The following LRRK2 variants were observed in gnomAD, a reference collection of about 807,000 sequenced individuals.
LRRK2 encodes the protein leucine-rich repeat serine/threonine-protein kinase 2.
LRRK2 carries 203 observed loss-of-function variants against 302.6 expected under a neutral mutation model. The ratio of observed to expected loss-of-function variants is 0.67; its 90% confidence interval spans 0.60 to 0.75. The LOEUF is 0.75. Among genes scored for constraint, LRRK2 ranks in the 30% least tolerant of loss-of-function variants. The pLI is 0.00. For synonymous variants in LRRK2, 1,066 were observed against 1,031.9 expected, an observed-to-expected ratio of 1.03 and a Z score of -0.63; for missense variants, 2,830 against 2,951.0, an observed-to-expected ratio of 0.96 and a Z score of 0.95.
chr12:40,305,777 C>G lies in LRRK2; in HGVS notation c.3778-8C>G, dbSNP rs1433994909. ...CCAACAGGTTTTGCCCTTTTTTTTC[C>G]CATTAAGATTCCTCCTGAGATTGGC... On this transcript the variant is annotated splice_polypyrimidine_tract_variant and splice_region_variant and intron_variant, in intron 27 of 50. Transcript: ENST00000298910. 1.2e-6 allele frequency: 2 copies of G among 1,612,800 alleles called. No homozygotes were observed. Among genetic ancestry groups the G allele is most frequent in the Non-Finnish European group, 1.7e-6 (2 of 1,179,432 alleles).
chr12:40,253,349 T>A (rs1008183041), intron 11 of LRRK2, among the ~76,000 whole-genome samples: 6 of 152,206 alleles, frequency 3.9e-5, no homozygotes, highest in African/African-American at 1.4e-4. Context: ...TGTTGATACA[T>A]GTGTATTCTC....
intron 7 of LRRK2, among the ~76,000 whole-genome samples, chr12:40,246,204 TA>T (rs1476520994): frequency 6.6e-6 from 1 of 151,846 alleles, no homozygotes; most frequent in Non-Finnish European, 1.5e-5. Flanking sequence ...AATGTGGGCT[TA>T]AAAATATTAA....
At chr12:40,334,892 A>T (rs1369699043) in intron 39 of LRRK2, 75 bp from the exon 40 acceptor site, 1 of 1,483,606 alleles carries the variant, frequency 6.7e-7, no homozygotes, top group East Asian at 2.3e-5. Context: ...CAGCCTGTTG[A>T]TGCACTTTAA....
At chr12:40,288,593 C>T (rs1004218854) in intron 20 of LRRK2, among the ~76,000 whole-genome samples, 1 of 151,902 alleles carries the variant, frequency 6.6e-6, no homozygotes, top group African/African-American at 2.4e-5. Context: ...GGTTGCTCTA[C>T]ATCCTTGTCA....
intron 34 of LRRK2, 24 bp from the exon 35 acceptor site, chr12:40,321,010 A>G: frequency 6.2e-7 from 1 of 1,611,948 alleles, no homozygotes; most frequent in Non-Finnish European, 8.5e-7. Flanking sequence ...AGGCTGTATA[A>G]CCATAGTGTC....
intron 44 of LRRK2, among the ~76,000 whole-genome samples, chr12:40,353,785 C>G (rs990130417): frequency 1.3e-5 from 2 of 152,254 alleles, no homozygotes; most frequent in African/African-American, 4.8e-5. Flanking sequence ...AGCTGGAGAC[C>G]AGCCCGGCCA....
chr12:40,247,426 G>T (rs1224560805), intron 7 of LRRK2, among the ~76,000 whole-genome samples: 1 of 100,736 alleles, frequency 9.9e-6, no homozygotes, highest in Non-Finnish European at 2.5e-5. Context: ...TCATATATAT[G>T]AATCTACTTA....
chr12:40,266,270 A>T (rs1053939756), intron 14 of LRRK2, among the ~76,000 whole-genome samples: 2 of 152,092 alleles, frequency 1.3e-5, no homozygotes, highest in Non-Finnish European at 2.9e-5. Context: ...AAGGGCTAAT[A>T]TCTAGAATCT....
intron 13 of LRRK2, among the ~76,000 whole-genome samples, chr12:40,262,089 G>A (rs1323172041): frequency 6.6e-6 from 1 of 152,036 alleles, no homozygotes; most frequent in Non-Finnish European, 1.5e-5. Flanking sequence ...AGTATATAGA[G>A]GAGAGTGATT....
intron 40 of LRRK2, among the ~76,000 whole-genome samples, chr12:40,337,782 T>C (rs781322362): frequency 2.6e-5 from 4 of 152,228 alleles, no homozygotes; most frequent in Non-Finnish European, 5.9e-5. Context: ...GATCTTTCTG[T>C]ATGCCTCTTG....
intron 44 of LRRK2, among the ~76,000 whole-genome samples, chr12:40,353,203 G>T (rs868525246): frequency 6.8e-6 from 1 of 146,952 alleles, no homozygotes; most frequent in Non-Finnish European, 1.5e-5. Flanking sequence ...GCTGCTGGGC[G>T]GAGGGGCTCC....
At chr12:40,360,785 A>G (rs1311190892) in intron 47 of LRRK2, among the ~76,000 whole-genome samples, 2 of 151,980 alleles carry the variant, frequency 1.3e-5, no homozygotes, top group Non-Finnish European at 2.9e-5. Flanking sequence ...CCAAACTGAA[A>G]TTGACTCAGA....
In LRRK2 at chr12:40,243,619, C is replaced by CT. The variant is rs1565674554; in HGVS notation, c.776_777insT (p.Phe260IlefsTer5). The CT allele has an allele frequency of 1.9e-6, 3 of 1,612,108 alleles. No individual in the cohort carries two copies. On this transcript the variant is annotated frameshift_variant, in exon 7 of 51. Transcript: ENST00000298910. LOFTEE classifies it high-confidence loss of function. Reference sequence around the variant, plus strand: ...AATATTGTGGTGGAAGCTATGAAAGCATTCCCTATGAGTGAAAGAATTCAA... The same window carrying CT: ...AATATTGTGGTGGAAGCTATGAAAGCTATTCCCTATGAGTGAAAGAATTCAA...
intron 46 of LRRK2, among the ~76,000 whole-genome samples, chr12:40,358,104 T>C (rs1004807676): frequency 4.6e-5 from 7 of 152,106 alleles, no homozygotes; most frequent in Admixed American, 1.3e-4. Flanking sequence ...TTTTTTTTTT[T>C]CCTGTTGAAT....
intron 20 of LRRK2, among the ~76,000 whole-genome samples, chr12:40,291,228 A>G (rs1944137531): frequency 6.6e-6 from 1 of 151,516 alleles, no homozygotes; most frequent in African/African-American, 2.4e-5. Context: ...GAATTGAACA[A>G]TGAGAACACT....
chr12:40,265,492 G>C (rs1381622538), intron 14 of LRRK2, among the ~76,000 whole-genome samples: 1 of 152,206 alleles, frequency 6.6e-6, no homozygotes, highest in African/African-American at 2.4e-5. Context: ...TTGGCACTAG[G>C]AAGACTCCCT....
At chr12:40,314,578 G>A (rs911793486) in intron 32 of LRRK2, among the ~76,000 whole-genome samples, 6 of 152,036 alleles carry the variant, frequency 3.9e-5, no homozygotes, top group African/African-American at 1.2e-4. Flanking sequence ...TAACTGGGAC[G>A]CTTGGAGAGT....
chr12:40,256,303 G>A (rs147831725), intron 11 of LRRK2, among the ~76,000 whole-genome samples: 5,010 of 152,198 alleles, frequency 0.033, 234 homozygotes, highest in South Asian at 0.12. Flanking sequence ...ACAAAAATTA[G>A]CCAGGCATGG....
At chr12:40,292,236 G>T (rs7957754) in intron 20 of LRRK2, among the ~76,000 whole-genome samples, 61,645 of 151,678 alleles carry the variant, frequency 0.41, 13,045 homozygotes, top group South Asian at 0.54. Context: ...CACATAATTT[G>T]TTTCCCTTCT....
Sources: gnomAD v4.1 joint callset for allele counts (sites outside exome capture counted in the v4.1 genomes callset) on GRCh38, gnomAD v4.1.1 for gene constraint, MANE v1.5 for transcripts, NCBI Gene and HGNC (gene_info 2026-07-23, HGNC 2026-07-21) for gene names.